PLCL1: variants seen among roughly 807,000 people sequenced by gnomAD.
PLCL1 encodes inactive phospholipase C-like protein 1.
In PLCL1, 41 loss-of-function variants were observed where a neutral mutation model predicts 84.4. The ratio of observed to expected loss-of-function variants is 0.49; its 90% CI spans 0.38 to 0.63. The LOEUF (loss-of-function observed/expected upper bound fraction) is 0.63. PLCL1 is among the 30% of genes least tolerant of loss of function. The pLI is 0.00. For missense variants in PLCL1, 1,206 were observed against 1,367.8 expected (o/e 0.88, Z 1.87); for synonymous variants, 490 against 488.3 (o/e 1.00, Z -0.05).
intron 1 of PLCL1, among the ~76,000 whole-genome samples, chr2:198,000,029 A>G (rs917069219): frequency 2.6e-5 from 4 of 152,202 alleles, no homozygotes; most frequent in African/African-American, 9.7e-5. Flanking sequence ...TCATTGTTAA[A>G]TTACCCAAAG....
intron 3 of PLCL1, among the ~76,000 whole-genome samples, chr2:198,096,429 T>G (rs1460027574): frequency 3.3e-5 from 5 of 152,232 alleles, no homozygotes; most frequent in Non-Finnish European, 5.9e-5. Flanking sequence ...GTTCTCACCT[T>G]TCTAATTTTT....
chr2:198,061,911 T>A (rs964631397), intron 1 of PLCL1, among the ~76,000 whole-genome samples: 5 of 152,180 alleles, frequency 3.3e-5, no homozygotes, highest in Admixed American at 3.3e-4. Context: ...AAATGTATTA[T>A]AAGGGTCAAT....
rs376737048 is a variant in PLCL1, at chr2:198,101,386, GT to G, written c.2995+36del. On this transcript the variant is annotated intron_variant, in intron 4 of 5. Transcript: ENST00000428675. ...GTAATTGTTTTTAATTTTTTTTTCT[GT>G]TTTTTTTTTCTATTTTGTTTGGAAA... 7,306 of 1,103,422 alleles carry G rather than the reference GT, an allele frequency of 6.6e-3. 27 individuals carry two copies. Among genetic ancestry groups the G allele is most frequent in the Non-Finnish European group, 8.1e-3 (6,324 of 781,296 alleles). The allele number at this position is 1,103,422 out of a possible 1,614,324, so 68.4% of individuals were successfully genotyped here. A position where few individuals can be genotyped will look rare whatever the true frequency, so the allele number is the denominator to read the frequency against.
At chr2:197,807,991 C>T (rs1179184100) in intron 1 of PLCL1, among the ~76,000 whole-genome samples, 1 of 152,130 alleles carries the variant, frequency 6.6e-6, no homozygotes, top group Non-Finnish European at 1.5e-5. Flanking sequence ...GTTGAAAAAA[C>T]AATTTTCTTC....
intron 1 of PLCL1, among the ~76,000 whole-genome samples, chr2:197,926,289 A>G (rs532528118): frequency 6.6e-6 from 1 of 152,334 alleles, no homozygotes; most frequent in Non-Finnish European, 1.5e-5. Context: ...CATAGACAGA[A>G]AACATCAGAA....
chr2:198,121,031 T>C (rs916157917), intron 5 of PLCL1, among the ~76,000 whole-genome samples: 2 of 152,084 alleles, frequency 1.3e-5, no homozygotes, highest in African/African-American at 4.8e-5. Flanking sequence ...TGAGATGATA[T>C]CTCATTGTAG....
At position 197,991,345 on chromosome 2, in the gene PLCL1, G is replaced by A. The variant is rs550231009; in HGVS notation, c.241-92413G>A. Among the ~76,000 whole-genome samples the A allele has an allele frequency of 4.6e-5, 7 of 152,262 alleles. No individual in the cohort carries two copies. In the South Asian group the frequency reaches 1.2e-3, roughly 27 times the overall value. On this transcript the variant is annotated intron_variant, in intron 1 of 5. Transcript: ENST00000428675. ...CTGGGATTCCAGCTTGCAGATGGCAGATGATGGGATTTCTCAAACTCTATA... is the reference window on the plus strand; with the variant it reads ...CTGGGATTCCAGCTTGCAGATGGCAAATGATGGGATTTCTCAAACTCTATA...
At chr2:197,831,893 A>ACCTGCT (rs1691076245) in intron 1 of PLCL1, among the ~76,000 whole-genome samples, 1 of 151,806 alleles carries the variant, frequency 6.6e-6, no homozygotes, top group Non-Finnish European at 1.5e-5. Flanking sequence ...AAACTGAACA[A>ACCTGCT]CCTGAATGAC....
chr2:197,880,960 C>A (rs1285771963), intron 1 of PLCL1, among the ~76,000 whole-genome samples: 1 of 152,098 alleles, frequency 6.6e-6, no homozygotes, highest in Non-Finnish European at 1.5e-5. Flanking sequence ...TCTAAATGTG[C>A]AGAAATGTAC....
rs78689190 is a variant in PLCL1, at chr2:197,934,649, A to G, written c.240+129310A>G. Reference sequence around the variant, plus strand: ...AAAGAAAAATATTTTATAGTTGACAAAAACATTTTATAGGTGACAAAAATT... The same window carrying G: ...AAAGAAAAATATTTTATAGTTGACAGAAACATTTTATAGGTGACAAAAATT... On this transcript the variant is annotated intron_variant, in intron 1 of 5. Coordinates refer to ENST00000428675, the MANE Select transcript of PLCL1 (RefSeq NM_006226.4). Among the ~76,000 whole-genome samples, 1,259 of 152,310 alleles carry G rather than the reference A, an allele frequency of 8.3e-3. 17 individuals are homozygous for G. Among genetic ancestry groups the G allele is most frequent in the African/African-American group, 0.029 (1,188 of 41,560 alleles).
At chr2:197,847,748 A>G (rs1347485318) in intron 1 of PLCL1, among the ~76,000 whole-genome samples, 1 of 152,200 alleles carries the variant, frequency 6.6e-6, no homozygotes, top group Non-Finnish European at 1.5e-5. Context: ...GAATATTGAA[A>G]CATTTTAGGC....
intron 1 of PLCL1, among the ~76,000 whole-genome samples, chr2:197,942,147 A>C (rs1559051808): frequency 6.6e-6 from 1 of 152,230 alleles, no homozygotes; most frequent in Non-Finnish European, 1.5e-5. Context: ...TTGTTACATT[A>C]GAAACATTCT....
At chr2:197,864,216 C>T (rs904262875) in intron 1 of PLCL1, among the ~76,000 whole-genome samples, 1 of 152,052 alleles carries the variant, frequency 6.6e-6, no homozygotes, top group Non-Finnish European at 1.5e-5. Flanking sequence ...TCTACTGTCC[C>T]CTGCCAATTT....
intron 1 of PLCL1, among the ~76,000 whole-genome samples, chr2:197,894,707 G>A (rs1688099727): frequency 6.6e-6 from 1 of 151,964 alleles, no homozygotes; most frequent in South Asian, 2.1e-4. Context: ...TTATGAAGAA[G>A]CAAAAACCTA....
chr2:198,033,126 G>T (rs1691465331), intron 1 of PLCL1, among the ~76,000 whole-genome samples: 1 of 152,130 alleles, frequency 6.6e-6, no homozygotes, highest in Non-Finnish European at 1.5e-5. Context: ...GGGAACAAAA[G>T]AATAATTTTA....
chr2:197,915,428 A>G (rs183362456), intron 1 of PLCL1, among the ~76,000 whole-genome samples: 1 of 152,254 alleles, frequency 6.6e-6, no homozygotes, highest in East Asian at 1.9e-4. Flanking sequence ...GAAAGAGAGG[A>G]AGAGTCAGAA....
chr2:197,871,317 C>T (rs1256287347), intron 1 of PLCL1, among the ~76,000 whole-genome samples: 8 of 151,900 alleles, frequency 5.3e-5, no homozygotes, highest in Non-Finnish European at 1.2e-4. Flanking sequence ...TTTTTTGGGG[C>T]CTGTTCTTAG....
chr2:197,805,740 C>A lies in PLCL1; in HGVS notation c.240+401C>A, dbSNP rs182052328. On this transcript the variant is annotated intron_variant, in intron 1 of 5. Coordinates refer to ENST00000428675, the MANE Select transcript of PLCL1 (RefSeq NM_006226.4). The surrounding 1 kb of genome is among the most constrained non-coding windows in gnomAD (Gnocchi z 4.0). ...CCCATACAATGAAGAAAATGCACAG[C>A]TTACTCTCAAGTGTAAAAAAAGAAT... Among the ~76,000 whole-genome samples, 120 of 152,268 alleles carry A rather than the reference C, an allele frequency of 7.9e-4. No individual in the cohort carries two copies. The highest frequency in any genetic ancestry group is 2.8e-3 in the African/African-American group (118 of 41,540).
At chr2:198,012,435 G>A (rs558819829) in intron 1 of PLCL1, among the ~76,000 whole-genome samples, 37 of 152,216 alleles carry the variant, frequency 2.4e-4, no homozygotes, top group African/African-American at 8.9e-4. Flanking sequence ...CTTGGAATTC[G>A]TTCTGCACTG....
Sources: allele counts gnomAD v4.1 joint callset (sites outside exome capture counted in the v4.1 genomes callset), GRCh38; gene constraint gnomAD v4.1.1; non-coding constraint Gnocchi (gnomAD v3.1); transcripts MANE v1.5; gene names NCBI Gene and HGNC (gene_info 2026-07-23, HGNC 2026-07-21).